Variants in ADAM17 observed in about 807,000 individuals in gnomAD.
ADAM17 encodes ADAM metallopeptidase domain 17, also known as disintegrin and metalloproteinase domain-containing protein 17.
ADAM17 carries 39 observed loss-of-function variants against 96.7 expected under a neutral mutation model. The observed-to-expected ratio is 0.40, with a 90% CI of 0.31 to 0.53. The LOEUF (loss-of-function observed/expected upper bound fraction) is 0.53, where lower values mean the gene tolerates loss of function less well. Among genes scored for constraint, ADAM17 ranks in the 20% least tolerant of loss-of-function variants. The pLI is 0.44. For synonymous variants in ADAM17, 344 were observed against 359.2 expected, an observed-to-expected ratio of 0.96 and a Z score of 0.48; for missense variants, 777 against 1,013.2, an observed-to-expected ratio of 0.77 and a Z score of 3.17.
intron 11 of ADAM17, chr2:9,507,149 C>T (rs999675929): frequency 6.6e-6 from 1 of 152,054 alleles, no homozygotes; most frequent in African/African-American, 2.4e-5. Context: ...TTATTTTTGT[C>T]CTGTAAGCCC....
At chr2:9,498,919 T>C (rs1051522843) in intron 13 of ADAM17, among the ~76,000 whole-genome samples, 7 of 152,190 alleles carry the variant, frequency 4.6e-5, no homozygotes, top group African/African-American at 1.7e-4. Flanking sequence ...CTATCTAGCA[T>C]GGTCCCCAAA....
chr2:9,521,354 A>G (rs1265279564), intron 7 of ADAM17, 38 bp from the exon 8 acceptor site: 1 of 1,407,178 alleles, frequency 7.1e-7, no homozygotes, highest in Admixed American at 1.7e-5. Flanking sequence ...AACACTTCCA[A>G]AATAAGTCAG....
chr2:9,533,834 G>A (rs896558537), intron 4 of ADAM17, among the ~76,000 whole-genome samples: 6 of 152,160 alleles, frequency 3.9e-5, no homozygotes, highest in Non-Finnish European at 8.8e-5. Context: ...ACAAAGTAGA[G>A]GAGAACCACC....
At chr2:9,543,082 C>A in intron 2 of ADAM17, 71 bp downstream of exon 2, 1 of 1,424,786 alleles carries the variant, frequency 7.0e-7, no homozygotes, top group Non-Finnish European at 9.4e-7. Context: ...CAGTAGATAC[C>A]CTTACTTTTT....
rs114906993 is a variant in ADAM17 at position 9,519,401 on chromosome 2, T to C, written c.958-1154A>G. Among the ~76,000 whole-genome samples the C allele has an allele frequency of 1.0e-2, 1,519 of 152,252 alleles. 20 individuals carry two copies. The highest frequency in any genetic ancestry group is 0.031 in the African/African-American group (1,268 of 41,546). ...TTTCTCTTTGGTTCCTCCCCTGCCA[T>C]GGGCTGTCTGGAGGCTCACAGAAAA... On this transcript the variant is annotated intron_variant, in intron 8 of 18. Transcript: ENST00000310823.
intron 2 of ADAM17, among the ~76,000 whole-genome samples, chr2:9,540,024 G>C (rs1572954325): frequency 6.6e-6 from 1 of 152,100 alleles, no homozygotes; most frequent in East Asian, 1.9e-4. Context: ...TTCTTACACA[G>C]AGAAAAGATA....
chr2:9,544,050 A>C (rs1018520088), intron 1 of ADAM17, among the ~76,000 whole-genome samples: 6 of 152,084 alleles, frequency 3.9e-5, no homozygotes, highest in African/African-American at 1.4e-4. Flanking sequence ...ACAAAAACTC[A>C]ATTTAACCAT....
In ADAM17 at chr2:9,543,176, T is replaced by C. The variant is rs141846970; in HGVS notation, c.207A>G (p.Leu69=). Residue 69 remains leucine, a synonymous_variant, in exon 2 of 19, where the codon CTA becomes CTG. Transcript: ENST00000310823. ...ACCTTTTCAAAGCTGAAAAAGTTAG[T>C]AGTGTTTCTACATGTGTTGAAGTCT... ...DLQTSTHVET[L]LTFSALKRHF... is the part of the protein sequence containing the mutation. 1.2e-5 allele frequency: 19 copies of C among 1,596,644 alleles called. No individual in the cohort carries two copies. Among genetic ancestry groups the C allele is most frequent in the Admixed American group, 1.8e-5 (1 of 56,416 alleles).
At chr2:9,553,633 C>G (rs531154309) in intron 1 of ADAM17, among the ~76,000 whole-genome samples, 2 of 149,248 alleles carry the variant, frequency 1.3e-5, no homozygotes, top group African/African-American at 4.9e-5. Context: ...TGAGATGACG[C>G]CATTGCACTC....
intron 4 of ADAM17, among the ~76,000 whole-genome samples, chr2:9,533,504 G>A (rs368779523): frequency 2.6e-5 from 4 of 152,104 alleles, no homozygotes; most frequent in Admixed American, 6.5e-5. Flanking sequence ...CTGAGATCAC[G>A]CCACTGCACT....
chr2:9,538,562 T>C (rs796361529), intron 2 of ADAM17, among the ~76,000 whole-genome samples: 1 of 152,228 alleles, frequency 6.6e-6, no homozygotes, highest in Non-Finnish European at 1.5e-5. Flanking sequence ...ATACTTATTA[T>C]AAATGTCTTA....
intron 14 of ADAM17, among the ~76,000 whole-genome samples, chr2:9,495,138 A>G (rs1662474328): frequency 6.6e-6 from 1 of 152,194 alleles, no homozygotes; most frequent in Non-Finnish European, 1.5e-5. Flanking sequence ...TTCAGTCTAA[A>G]GTGTGCCCCT....
intron 1 of ADAM17, among the ~76,000 whole-genome samples, chr2:9,544,080 C>T (rs1665318362): frequency 6.6e-6 from 1 of 152,098 alleles, no homozygotes; most frequent in Non-Finnish European, 1.5e-5. Flanking sequence ...AAGAGACACC[C>T]CCCACCTTTC....
At chr2:9,514,030 GAAA>G (rs1663894531) in intron 10 of ADAM17, among the ~76,000 whole-genome samples, 1 of 148,368 alleles carries the variant, frequency 6.7e-6, no homozygotes, top group African/African-American at 2.5e-5. Context: ...AAAAAGAAAA[GAAA>G]AAAAGAAATT....
At position 9,549,499 on chromosome 2, in the gene ADAM17, T is replaced by C. The variant is rs74793718; in HGVS notation, c.97+6010A>G. Among the ~76,000 whole-genome samples the C allele has an allele frequency of 1.6e-3, 244 of 152,340 alleles. 1 individual carries two copies. Among genetic ancestry groups the C allele is most frequent in the African/African-American group, 5.7e-3 (238 of 41,574 alleles). On this transcript the variant is annotated intron_variant, in intron 1 of 18. Coordinates refer to ENST00000310823, the MANE Select transcript of ADAM17 (RefSeq NM_003183.6). Reference sequence around the variant, plus strand: ...TAAGAACAATGTAAATAAAGTGTTATATGAGAAGGTTCTGGAAACGTGTGG... The same window carrying C: ...TAAGAACAATGTAAATAAAGTGTTACATGAGAAGGTTCTGGAAACGTGTGG...
At position 9,490,453 on chromosome 2, in the gene ADAM17, G is replaced by C. The variant is rs148093044; in HGVS notation, c.2199C>G (p.Pro733=). The change falls in exon 19 of 19, where the codon CCC becomes CCG. Residue 733 remains proline (P), a synonymous_variant. Transcript: ENST00000310823. ...CAGGCTGCAGGCGGCCTGGAGTCTG[G>C]GGCGCAGGAAAGGGTTTGATAATGC... ...SVRIIKPFPA[P]QTPGRLQPAP... 681 of 1,614,106 alleles carry C rather than the reference G, an allele frequency of 4.2e-4. 1 individual carries two copies. The highest frequency in any genetic ancestry group is 1.8e-4 in the Non-Finnish European group (214 of 1,179,974).
intron 1 of ADAM17, among the ~76,000 whole-genome samples, chr2:9,550,636 G>A (rs977735539): frequency 6.6e-6 from 1 of 151,500 alleles, no homozygotes; most frequent in Non-Finnish European, 1.5e-5. Flanking sequence ...AGTAGAGACA[G>A]GTTTCACCAT....
intron 14 of ADAM17, 66 bp from the exon 15 acceptor site, chr2:9,494,833 T>A: frequency 6.3e-7 from 1 of 1,586,630 alleles, no homozygotes; most frequent in South Asian, 1.1e-5. Context: ...CTGCCTCCTC[T>A]TTCCTCCCTG....
chr2:9,543,926 C>T (rs115979932), intron 1 of ADAM17, among the ~76,000 whole-genome samples: 64 of 152,276 alleles, frequency 4.2e-4, no homozygotes, highest in African/African-American at 1.5e-3. Context: ...ATTCCTAACA[C>T]AGAAAAGATG....
Sources: allele counts gnomAD v4.1 joint callset (sites outside exome capture counted in the v4.1 genomes callset), GRCh38; gene constraint gnomAD v4.1.1; transcripts MANE v1.5; gene names NCBI Gene and HGNC (gene_info 2026-07-23, HGNC 2026-07-21).